FARP1: variants seen among roughly 807,000 people sequenced by gnomAD.
FARP1 encodes FERM, ARH/RhoGEF and pleckstrin domain protein 1.
A neutral mutation model predicts 128.8 loss-of-function variants in FARP1; 52 were observed. That is an observed-to-expected ratio of 0.40 (90% CI 0.32 to 0.51). The LOEUF (loss-of-function observed/expected upper bound fraction) is 0.51. FARP1 is among the 20% of genes least tolerant of loss of function. The probability of loss-of-function intolerance (pLI) is 0.45; values close to 1 mark genes in which losing one functional copy is unlikely to be tolerated. For synonymous variants in FARP1, 580 were observed against 551.8 expected, an observed-to-expected ratio of 1.05 and a Z score of -0.72; for missense variants, 1,333 against 1,367.9, an observed-to-expected ratio of 0.97 and a Z score of 0.40.
In FARP1 at chr13:98,448,985, T is replaced by C. The variant is rs1893046317; in HGVS notation, c.*668T>C. 1 of 152,244 alleles carries C rather than the reference T, an allele frequency of 6.6e-6. No individual in the cohort carries two copies. The highest frequency in any genetic ancestry group is 2.1e-4 in the South Asian group (1 of 4,832). 9.4% of individuals were successfully genotyped at this position (152,244 alleles called of 1,614,324 possible). ...ACCAAATCGTTTTAAGTGGTAACTC[T>C]TTCCAACCGTAGCAGGGTTGTTTTC... is the stretch of plus-strand genomic sequence containing the variant. On this transcript the variant is annotated 3_prime_UTR_variant, in exon 27 of 27. Transcript: ENST00000319562.
chr13:98,214,021 C>T (rs1352823400), intron 2 of FARP1, among the ~76,000 whole-genome samples: 2 of 152,130 alleles, frequency 1.3e-5, no homozygotes, highest in East Asian at 1.9e-4. Flanking sequence ...GCCCTGCCAC[C>T]GCAGGGCCCT....
At position 98,368,244 on chromosome 13, in the gene FARP1, A is replaced by G. The variant is rs1889183009; in HGVS notation, c.398+49A>G. The G allele has an allele frequency of 2.3e-6, 3 of 1,331,378 alleles. No individual in the cohort carries two copies. The East Asian group carries it at 6.9e-5, about 31-fold the overall frequency. The allele number at this position is 1,331,378 out of a possible 1,614,324, so 82.5% of individuals were successfully genotyped here. On this transcript the variant is annotated intron_variant, in intron 5 of 26. Coordinates refer to ENST00000319562, the MANE Select transcript of FARP1 (RefSeq NM_005766.4). ...TTTTTTGCTACAGAGTACAGAGGAA[A>G]AGAGAAAATGAATGTTCTCAATTGA...
intron 2 of FARP1, among the ~76,000 whole-genome samples, chr13:98,291,568 G>A (rs1171990180): frequency 6.6e-6 from 1 of 152,142 alleles, no homozygotes; most frequent in Non-Finnish European, 1.5e-5. Flanking sequence ...ACCTGCAAAG[G>A]AACTATCATG....
At chr13:98,153,397 A>C (rs1473322230) in intron 1 of FARP1, among the ~76,000 whole-genome samples, 1 of 91,810 alleles carries the variant, frequency 1.1e-5, no homozygotes, top group African/African-American at 2.9e-5. Context: ...TAAATAATAC[A>C]TTATATATAA....
At chr13:98,171,048 A>G (rs1325028442) in intron 1 of FARP1, among the ~76,000 whole-genome samples, 1 of 152,218 alleles carries the variant, frequency 6.6e-6, no homozygotes, top group Non-Finnish European at 1.5e-5. Flanking sequence ...CCTGAGAATA[A>G]TTCTACCAGC....
intron 16 of FARP1, among the ~76,000 whole-genome samples, chr13:98,413,344 G>A (rs572567966): frequency 1.3e-5 from 2 of 152,176 alleles, no homozygotes; most frequent in Non-Finnish European, 2.9e-5. Flanking sequence ...ATGAATATAA[G>A]AGAAATGTCA....
At chr13:98,246,409 A>G (rs558573779) in intron 2 of FARP1, among the ~76,000 whole-genome samples, 6 of 152,226 alleles carry the variant, frequency 3.9e-5, no homozygotes, top group African/African-American at 1.2e-4. Flanking sequence ...TAAATTCTTA[A>G]TTCTCATCTG....
At chr13:98,200,392 C>CA (rs977195368) in intron 1 of FARP1, among the ~76,000 whole-genome samples, 1 of 144,174 alleles carries the variant, frequency 6.9e-6, no homozygotes, top group Non-Finnish European at 1.5e-5. Context: ...CCTTCACCCC[C>CA]CCCCCCTCCC....
At position 98,339,258 on chromosome 13, in the gene FARP1, C is replaced by T. The variant is rs565475281; in HGVS notation, c.172-4504C>T. Among the ~76,000 whole-genome samples the T allele has an allele frequency of 3.2e-4, 49 of 152,218 alleles. No homozygotes were observed. The South Asian group carries it at 6.8e-3, about 21-fold the overall frequency. On this transcript the variant is annotated intron_variant, in intron 2 of 26. Coordinates refer to ENST00000319562, the MANE Select transcript of FARP1 (RefSeq NM_005766.4). ...GGAGGCCTCAGGAAACTTACAGTCA[C>T]GGTAGAAGGTGAAGGAGAATAAGCA...
intron 2 of FARP1, among the ~76,000 whole-genome samples, chr13:98,241,909 A>T (rs1882793155): frequency 6.6e-6 from 1 of 151,938 alleles, no homozygotes; most frequent in African/African-American, 2.4e-5. Flanking sequence ...ACAGATTGAG[A>T]CTCTGTCTAA....
intron 2 of FARP1, among the ~76,000 whole-genome samples, chr13:98,313,779 GGGAA>G (rs1886595885): frequency 6.6e-6 from 1 of 152,192 alleles, no homozygotes; most frequent in Non-Finnish European, 1.5e-5. Context: ...GCACAACACT[GGGAA>G]GGGATCATAG....
intron 2 of FARP1, among the ~76,000 whole-genome samples, chr13:98,251,619 G>A (rs1883326518): frequency 6.6e-6 from 1 of 151,040 alleles, no homozygotes; most frequent in African/African-American, 2.4e-5. Context: ...GGAGGTGGAG[G>A]TTGCAGTAAG....
rs541195426 is a variant in FARP1 at position 98,440,013 on chromosome 13, G to A, written c.2486G>A (p.Gly829Asp). ...WGVPHCLTLR[G>D]QRQSIIVAAS... ...GTGCCCCACTGCCTGACCCTCCGGG[G>A]CCAGCGGCAGTCCATCATCGTGGCC... is the stretch of plus-strand genomic sequence containing the variant. The change falls in exon 22 of 27, where the codon GGC (glycine) becomes GAC (aspartate). Residue 829 changes from glycine (G) to aspartate (D), a missense_variant. Transcript: ENST00000319562. 2 of 1,604,206 alleles carry A rather than the reference G, an allele frequency of 1.2e-6. No individual in the cohort carries two copies. The highest frequency in any genetic ancestry group is 2.2e-5 in the East Asian group (1 of 44,658).
At chr13:98,415,435 TAATG>T (rs974387964) in intron 16 of FARP1, among the ~76,000 whole-genome samples, 20 of 145,772 alleles carry the variant, frequency 1.4e-4, no homozygotes, top group Admixed American at 1.3e-3. Flanking sequence ...AGGAATATAT[TAATG>T]AATGAATGAG....
rs1393810122 is a variant in FARP1 at position 98,412,052 on chromosome 13, TC to T, written c.1826+21del. ...GCCCTGTGGTGAGTACATTTCTACT[TC>T]CCAGCTACGTTCCTCCCTCCGTCTT... On this transcript the variant is annotated intron_variant, in intron 16 of 26. Transcript: ENST00000319562. 1.9e-6 allele frequency: 3 copies of T among 1,609,796 alleles called. No individual in the cohort carries two copies. Among genetic ancestry groups the T allele is most frequent in the Non-Finnish European group, 2.5e-6 (3 of 1,177,368 alleles).
Position 98,176,513 on chromosome 13 carries a change from T to C in FARP1, c.-24+33021T>C, listed in dbSNP as rs780669305. The C allele has an allele frequency of 1.2e-6, 2 of 1,614,158 alleles. No individual in the cohort carries two copies. The highest frequency in any genetic ancestry group is 1.7e-6 in the Non-Finnish European group (2 of 1,180,016). On this transcript the variant is annotated intron_variant, in intron 1 of 26. Transcript: ENST00000319562. The surrounding 1 kb of genome is among the most constrained non-coding windows in gnomAD (Gnocchi z 6.2). ...TCTTCCTCGCTTCCCACTTCATGGT[T>C]TTCGTCCTCGCAGATACAGTAGCGA...
At chr13:98,288,052 G>A (rs1395903454) in intron 2 of FARP1, among the ~76,000 whole-genome samples, 5 of 151,888 alleles carry the variant, frequency 3.3e-5, no homozygotes, top group African/African-American at 1.2e-4. Flanking sequence ...CGCCCACGTC[G>A]GCCTCCCAAA....
rs1893267380 is a variant in FARP1, at chr13:98,452,968, G to A, written c.*4651G>A. 1 of 483,844 alleles carries A rather than the reference G, an allele frequency of 2.1e-6. No homozygotes were observed. The highest frequency in any genetic ancestry group is 4.0e-5 in the South Asian group (1 of 25,046). The allele number at this position is 483,844 out of a possible 1,614,324, so 30.0% of individuals were successfully genotyped here. A position where few individuals can be genotyped will look rare whatever the true frequency, so the allele number is the denominator to read the frequency against. The stretch of plus-strand genomic sequence containing the variant: ...AATAAAATGATCGCTGGAAGGAGCT[G>A]ACCCTCCCCACCCATCTGAGAGACT... On this transcript the variant is annotated 3_prime_UTR_variant, in exon 27 of 27. Transcript: ENST00000319562.
chr13:98,427,085 A>C (rs1461725479), intron 17 of FARP1, among the ~76,000 whole-genome samples: 2 of 152,054 alleles, frequency 1.3e-5, no homozygotes, highest in Admixed American at 1.3e-4. Flanking sequence ...TTGGTGGTGT[A>C]CATTCTCTGG....
Sources: allele counts gnomAD v4.1 joint callset (sites outside exome capture counted in the v4.1 genomes callset), GRCh38; gene constraint gnomAD v4.1.1; non-coding constraint Gnocchi (gnomAD v3.1); transcripts MANE v1.5; gene names NCBI Gene and HGNC (gene_info 2026-07-23, HGNC 2026-07-21).